BCKDHB: variants seen among roughly 807,000 people sequenced by gnomAD.
The protein encoded by BCKDHB is branched chain keto acid dehydrogenase E1 subunit beta, also known as 2-oxoisovalerate dehydrogenase subunit beta, mitochondrial.
In BCKDHB, 41 loss-of-function variants were observed where a neutral mutation model predicts 48.5. The ratio of observed to expected loss-of-function variants is 0.85; its 90% CI spans 0.66 to 1.10. The LOEUF is 1.10. Among genes scored for constraint, BCKDHB ranks in the 50% least tolerant of loss-of-function variants. The probability of loss-of-function intolerance (pLI) is 0.00; values close to 1 mark genes in which losing one functional copy is unlikely to be tolerated. For missense variants in BCKDHB, 496 were observed against 494.2 expected, an observed-to-expected ratio of 1.00 and a Z score of -0.03; for synonymous variants, 201 against 174.8, an observed-to-expected ratio of 1.15 and a Z score of -1.18.
At chr6:80,374,041 T>G in the BCKDHB span, 8 of 660,758 alleles carry the variant, frequency 1.2e-5, no homozygotes, top group Non-Finnish European at 2.3e-5. Flanking sequence ...AGTTTTTGTT[T>G]CATCAGTTTC....
At chr6:80,189,177 T>G (rs1773782494) in intron 6 of BCKDHB, among the ~76,000 whole-genome samples, 1 of 152,218 alleles carries the variant, frequency 6.6e-6, no homozygotes, top group Non-Finnish European at 1.5e-5. Flanking sequence ...AAAATTCTAT[T>G]TAAACTTCAC....
the BCKDHB span, among the ~76,000 whole-genome samples, chr6:80,428,625 A>G: frequency 5.9e-5 from 9 of 152,214 alleles, no homozygotes; most frequent in Non-Finnish European, 1.0e-4. Flanking sequence ...ATGACCAGTG[A>G]TGATGAGCAT....
the BCKDHB span, among the ~76,000 whole-genome samples, chr6:80,459,273 T>C: frequency 1.3e-5 from 2 of 152,166 alleles, no homozygotes; most frequent in African/African-American, 2.4e-5. Flanking sequence ...ATGTGGTATA[T>C]ACACATAATA....
chr6:80,269,584 C>T (rs769212046), intron 8 of BCKDHB, among the ~76,000 whole-genome samples: 4 of 152,052 alleles, frequency 2.6e-5, no homozygotes, highest in Middle Eastern at 6.8e-3. Flanking sequence ...GAACAGTACT[C>T]GGTGGTAAAA....
the BCKDHB span, among the ~76,000 whole-genome samples, chr6:80,353,912 C>T: frequency 6.6e-6 from 1 of 152,102 alleles, no homozygotes; most frequent in African/African-American, 2.4e-5. Flanking sequence ...GATGATGTCT[C>T]ATTTTAATTT....
At chr6:80,312,800 A>G (rs997073143) in intron 9 of BCKDHB, among the ~76,000 whole-genome samples, 1 of 152,172 alleles carries the variant, frequency 6.6e-6, no homozygotes, top group African/African-American at 2.4e-5. Context: ...ATGATCGATA[A>G]GCTTTGTGAT....
At chr6:80,355,017 G>GT in the BCKDHB span, among the ~76,000 whole-genome samples, 1 of 152,048 alleles carries the variant, frequency 6.6e-6, no homozygotes, top group Non-Finnish European at 1.5e-5. Flanking sequence ...TTTTAGAATT[G>GT]TTTTTTCTAA....
intron 6 of BCKDHB, among the ~76,000 whole-genome samples, chr6:80,189,319 G>T (rs933574862): frequency 2.0e-5 from 3 of 152,168 alleles, no homozygotes; most frequent in African/African-American, 7.2e-5. Flanking sequence ...AATTTACTGT[G>T]TGCAACATAG....
chr6:80,205,183 G>A (rs73748708), intron 8 of BCKDHB, among the ~76,000 whole-genome samples: 2,505 of 152,000 alleles, frequency 0.016, 59 homozygotes, highest in African/African-American at 0.057. Flanking sequence ...ATTTAGAGAT[G>A]ATTTTAAAGA....
chr6:80,353,502 A>G, the BCKDHB span, among the ~76,000 whole-genome samples: 1 of 151,910 alleles, frequency 6.6e-6, no homozygotes, highest in African/African-American at 2.4e-5. Context: ...ATCAATGTGT[A>G]TAGGATTCTT....
intron 3 of BCKDHB, among the ~76,000 whole-genome samples, chr6:80,157,724 C>G (rs1261483494): frequency 6.6e-6 from 1 of 151,852 alleles, no homozygotes; most frequent in African/African-American, 2.4e-5. Flanking sequence ...GGTGATCCGC[C>G]CACCTCGGCC....
At chr6:80,123,207 A>G (rs899204401) in intron 1 of BCKDHB, among the ~76,000 whole-genome samples, 2 of 152,116 alleles carry the variant, frequency 1.3e-5, no homozygotes, top group Non-Finnish European at 2.9e-5. Context: ...CACTGATTTC[A>G]TATTGTTCAA....
chr6:80,266,982 C>T (rs1431562323), intron 8 of BCKDHB, among the ~76,000 whole-genome samples: 2 of 151,898 alleles, frequency 1.3e-5, no homozygotes, highest in African/African-American at 2.4e-5. Context: ...AGTATAGAGA[C>T]CACCACCACC....
the BCKDHB span, among the ~76,000 whole-genome samples, chr6:80,415,056 G>T: frequency 9.9e-5 from 15 of 151,606 alleles, no homozygotes; most frequent in Non-Finnish European, 1.6e-4. Flanking sequence ...TTCTCATTTG[G>T]CTCTCAGTTT....
the BCKDHB span, among the ~76,000 whole-genome samples, chr6:80,409,532 C>A: frequency 7.6e-6 from 1 of 132,056 alleles, no homozygotes; most frequent in East Asian, 2.3e-4. Context: ...TTGTAGGTCT[C>A]TAAGGACTTG....
chr6:80,357,330 A>G, the BCKDHB span, among the ~76,000 whole-genome samples: 2 of 152,140 alleles, frequency 1.3e-5, no homozygotes. Flanking sequence ...ATGCAGCCAT[A>G]AAGGAAAAAG....
the BCKDHB span, among the ~76,000 whole-genome samples, chr6:80,366,029 T>C: frequency 6.6e-6 from 1 of 152,228 alleles, no homozygotes; most frequent in Non-Finnish European, 1.5e-5. Context: ...TATATGCAGT[T>C]TGTGCTTTTA....
intron 1 of BCKDHB, among the ~76,000 whole-genome samples, chr6:80,122,544 G>T (rs1418468562): frequency 1.3e-5 from 2 of 152,296 alleles, no homozygotes; most frequent in South Asian, 2.1e-4. Context: ...GCCGCCGGGG[G>T]TGACATCCCA....
chr6:80,161,939 T>G (rs2127766761), intron 3 of BCKDHB, among the ~76,000 whole-genome samples: 1 of 152,358 alleles, frequency 6.6e-6, no homozygotes, highest in African/African-American at 2.4e-5. Context: ...TGTCTTTCAT[T>G]TCCCTGATTA....
Sources: allele counts gnomAD v4.1 joint callset (sites outside exome capture counted in the v4.1 genomes callset), GRCh38; gene constraint gnomAD v4.1.1; transcripts MANE v1.5; gene names NCBI Gene and HGNC (gene_info 2026-07-23, HGNC 2026-07-21).